The following SAMD4A variants were observed in gnomAD, a reference collection of about 807,000 sequenced individuals.
SAMD4A encodes sterile alpha motif domain containing 4A.
In SAMD4A, 33 loss-of-function variants were observed where a neutral mutation model predicts 81.3. That is an observed-to-expected ratio of 0.41 (90% CI 0.31 to 0.54). The LOEUF is 0.54. Among genes scored for constraint, SAMD4A ranks in the 20% least tolerant of loss-of-function variants. The pLI is 0.37. For synonymous variants in SAMD4A, 389 were observed against 382.1 expected (o/e 1.02, Z -0.21); for missense variants, 854 against 951.1 (o/e 0.90, Z 1.34).
chr14:54,783,555 T>A (rs1048396482), intron 11 of SAMD4A, among the ~76,000 whole-genome samples: 2 of 152,228 alleles, frequency 1.3e-5, no homozygotes, highest in African/African-American at 2.4e-5. Flanking sequence ...GCCGAGCCCC[T>A]ACTGCCTGCA....
chr14:54,736,957 G>A, intron 3 of SAMD4A, 67 bp from the exon 4 acceptor site: 3 of 1,564,364 alleles, frequency 1.9e-6, no homozygotes, highest in Non-Finnish European at 2.6e-6. Flanking sequence ...AAGAGGTATT[G>A]TGGGTTCTTC....
At chr14:54,706,063 T>G (rs1244873244) in intron 3 of SAMD4A, among the ~76,000 whole-genome samples, 1 of 151,970 alleles carries the variant, frequency 6.6e-6, no homozygotes, top group Non-Finnish European at 1.5e-5. Context: ...AAGAAAGCCT[T>G]TGGGCCAGGT....
chr14:54,671,137 T>C (rs1157121966), intron 2 of SAMD4A, among the ~76,000 whole-genome samples: 1 of 151,984 alleles, frequency 6.6e-6, no homozygotes, highest in Non-Finnish European at 1.5e-5. Context: ...AGGCAGAAAA[T>C]GGTTAGATCG....
At chr14:54,636,098 G>A (rs2035029033) in intron 2 of SAMD4A, among the ~76,000 whole-genome samples, 1 of 152,196 alleles carries the variant, frequency 6.6e-6, no homozygotes, top group South Asian at 2.1e-4. Context: ...GGCAAGCTAT[G>A]GTTGCTTGGA....
intron 6 of SAMD4A, among the ~76,000 whole-genome samples, chr14:54,758,565 CA>C (rs1223669763): frequency 6.6e-6 from 1 of 152,240 alleles, no homozygotes; most frequent in African/African-American, 2.4e-5. Context: ...TGTGGTGGCT[CA>C]CGCCTGTAAT....
chr14:54,772,844 G>A (rs188755053), intron 9 of SAMD4A, among the ~76,000 whole-genome samples: 11 of 151,276 alleles, frequency 7.3e-5, no homozygotes, highest in Admixed American at 2.0e-4. Context: ...AAAAACACTC[G>A]GCCCTTGTCT....
At chr14:54,720,555 A>G (rs939248683) in intron 3 of SAMD4A, among the ~76,000 whole-genome samples, 1 of 152,032 alleles carries the variant, frequency 6.6e-6, no homozygotes, top group Non-Finnish European at 1.5e-5. Flanking sequence ...AAAGAAACCC[A>G]TTACCAGCCT....
At chr14:54,664,586 C>G (rs1393190258) in intron 2 of SAMD4A, among the ~76,000 whole-genome samples, 2 of 152,036 alleles carry the variant, frequency 1.3e-5, no homozygotes, top group African/African-American at 4.8e-5. Flanking sequence ...CCACTTCCTT[C>G]TCTTCCTCCT....
At chr14:54,706,086 G>A (rs2036844061) in intron 3 of SAMD4A, among the ~76,000 whole-genome samples, 1 of 152,208 alleles carries the variant, frequency 6.6e-6, no homozygotes, top group Admixed American at 6.5e-5. Context: ...AGTGGCTCAT[G>A]CCTGTAATCC....
intron 2 of SAMD4A, among the ~76,000 whole-genome samples, chr14:54,578,036 C>G (rs1028177292): frequency 6.6e-6 from 1 of 152,182 alleles, no homozygotes; most frequent in Non-Finnish European, 1.5e-5. Flanking sequence ...ATAATCCTTT[C>G]GAGTAAGACT....
At chr14:54,626,067 CGCGCGCGCGAGT>C (rs1233409816) in intron 2 of SAMD4A, among the ~76,000 whole-genome samples, 83 of 108,742 alleles carry the variant, frequency 7.6e-4, no homozygotes, top group African/African-American at 3.0e-3. Context: ...TGTGCGCGCG[CGCGCGCGCGAGT>C]GCGCACATGT....
At position 54,674,964 on chromosome 14, in the gene SAMD4A, G is replaced by A. The variant is rs550805489; in HGVS notation, c.197-27098G>A. On this transcript the variant is annotated intron_variant, in intron 2 of 12. Coordinates refer to ENST00000554335, the MANE Select transcript of SAMD4A (RefSeq NM_015589.6). ...GATGAGGTCTCACTGTGTTGCCCAGGCTGCTCTCGAGCTCCCAGGTTCAAA... is the reference window on the plus strand; with the variant it reads ...GATGAGGTCTCACTGTGTTGCCCAGACTGCTCTCGAGCTCCCAGGTTCAAA... Among the ~76,000 whole-genome samples the A allele has an allele frequency of 6.6e-5, 10 of 152,278 alleles. No individual in the cohort carries two copies. In the East Asian group the frequency reaches 1.9e-3, roughly 30 times the overall value.
intron 2 of SAMD4A, among the ~76,000 whole-genome samples, chr14:54,591,960 C>T (rs1382281154): frequency 6.6e-6 from 1 of 152,060 alleles, no homozygotes; most frequent in Non-Finnish European, 1.5e-5. Flanking sequence ...CTGTTTCAGT[C>T]AAAGTGACTT....
chr14:54,576,254 A>G (rs548750486), intron 2 of SAMD4A, among the ~76,000 whole-genome samples: 2 of 152,078 alleles, frequency 1.3e-5, no homozygotes, highest in South Asian at 4.2e-4. Context: ...CATTGTATAC[A>G]TTTCTATCTG....
Position 54,737,026 on chromosome 14 carries a change from C to G in SAMD4A, c.718C>G (p.Leu240Val). Reference protein sequence around the residue: ...NTIGTSTSTILSGQAHHSPLK... With the variant: ...NTIGTSTSTIVSGQAHHSPLK... ...TTTCATTTTATTTTTTTTTCCAGTT[C>G]TCTCAGGCCAGGCACACCACAGCCC... is the stretch of plus-strand genomic sequence containing the variant. The change falls in exon 4 of 13, where the codon CTC (leucine) becomes GTC (valine). Residue 240 changes from leucine (L) to valine (V), a missense_variant and splice_region_variant. Physicochemically the swap from Leu to Val is conservative, Grantham distance 32 (BLOSUM62 1). This residue lies in a region of SAMD4A where 387 missense variants were observed against 405.8 expected (regional missense o/e 0.95). Transcript: ENST00000554335. The G allele has an allele frequency of 6.2e-7, 1 of 1,611,112 alleles. No homozygotes were observed. The highest frequency in any genetic ancestry group is 8.5e-7 in the Non-Finnish European group (1 of 1,179,264).
chr14:54,640,376 A>C (rs376158006), intron 2 of SAMD4A, among the ~76,000 whole-genome samples: 7 of 152,194 alleles, frequency 4.6e-5, no homozygotes, highest in Admixed American at 1.3e-4. Context: ...CTATTGACAC[A>C]GAATCAATTA....
intron 2 of SAMD4A, among the ~76,000 whole-genome samples, chr14:54,591,457 A>G (rs527538102): frequency 2.0e-4 from 30 of 152,238 alleles, no homozygotes; most frequent in Non-Finnish European, 3.1e-4. Flanking sequence ...GGTAGTCATC[A>G]GAGCCTAAAT....
intron 2 of SAMD4A, among the ~76,000 whole-genome samples, chr14:54,678,095 AAAG>A (rs770246904): frequency 6.6e-6 from 1 of 152,252 alleles, no homozygotes; most frequent in Non-Finnish European, 1.5e-5. Flanking sequence ...AGGCTTCAGA[AAAG>A]AAGACCCAAA....
rs140515917 is a variant in SAMD4A at position 54,691,881 on chromosome 14, C to G, written c.197-10181C>G. ...ATCAGTTAATTTGTGACTATGGACT[C>G]GAATATCCTGCCTCCACAAAATTGT... On this transcript the variant is annotated intron_variant, in intron 2 of 12. Coordinates refer to ENST00000554335, the MANE Select transcript of SAMD4A (RefSeq NM_015589.6). Among the ~76,000 whole-genome samples the G allele has an allele frequency of 2.8e-3, 434 of 152,322 alleles. 9 individuals are homozygous for G. The highest frequency in any genetic ancestry group is 0.026 in the Admixed American group (398 of 15,306).
Sources: allele counts gnomAD v4.1 joint callset (sites outside exome capture counted in the v4.1 genomes callset), GRCh38; gene constraint gnomAD v4.1.1; regional missense constraint gnomAD v4.1.1; transcripts MANE v1.5; gene names NCBI Gene and HGNC (gene_info 2026-07-23, HGNC 2026-07-21).